Variants in MCM7 observed in about 807,000 individuals in gnomAD.
MCM7 encodes the protein DNA replication licensing factor MCM7.
In MCM7, 95 loss-of-function variants were observed where a neutral mutation model predicts 83.5. That is an observed-to-expected ratio of 1.14 (90% CI 0.96 to 1.35). The LOEUF is 1.35. Ranked by LOEUF, MCM7 falls within the 40% of genes most tolerant of loss-of-function variation. The pLI is 0.00. For missense variants in MCM7, 1,087 were observed against 957.4 expected (o/e 1.14, Z -1.79); for synonymous variants, 461 against 352.7 (o/e 1.31, Z -3.44).
In MCM7 at chr7:100,099,325, C is replaced by G. The variant is rs200119844; in HGVS notation, c.355G>C (p.Val119Leu). The change falls in exon 4 of 15, where the codon GTC becomes CTC. Residue 119 changes from valine (V) to leucine (L), a missense_variant. Physicochemically the swap from Val to Leu is conservative, Grantham distance 32 (BLOSUM62 1). Transcript: ENST00000303887. ...GGGTACTGGTTCTGGGGGCTTCGGA[C>G]CATCCCAGGGTCCCGACTCCGCTGC... Reference protein sequence around the residue: ...MEQRSRDPGMVRSPQNQYPAE... With the variant: ...MEQRSRDPGMLRSPQNQYPAE... The G allele has an allele frequency of 6.8e-6, 11 of 1,613,850 alleles. No individual in the cohort carries two copies. Among genetic ancestry groups the G allele is most frequent in the Non-Finnish European group, 9.3e-6 (11 of 1,180,000 alleles).
In MCM7 at chr7:100,092,937, CAA is replaced by C. The variant is rs766115952; in HGVS notation, c.2153_2154del (p.Phe718CysfsTer?). On this transcript the variant is annotated frameshift_variant, in exon 15 of 15. Transcript: ENST00000303887. LOFTEE classifies it high-confidence loss of function. ...QVNASRTRIT[F>X]V ...GGGTTGCAAGCAGGCTGGAATCAGA[CAA>C]AAGTGATCCGTGTCCGGGAAGCATT... 6.2e-7 allele frequency: 1 copy of C among 1,614,184 alleles called. No individual in the cohort carries two copies. The highest frequency in any genetic ancestry group is 8.5e-7 in the Non-Finnish European group (1 of 1,180,038).
intron 10 of MCM7, among the ~76,000 whole-genome samples, chr7:100,096,749 T>G (rs758437561): frequency 5.9e-5 from 9 of 151,670 alleles, no homozygotes; most frequent in Non-Finnish European, 1.2e-4. Context: ...CACTCCAGTC[T>G]GGGTGACTGA....
In MCM7 at chr7:100,101,336, G is replaced by A. The variant is rs754951809; in HGVS notation, c.-42C>T. On this transcript the variant is annotated 5_prime_UTR_variant, in exon 1 of 15. Coordinates refer to ENST00000303887, the MANE Select transcript of MCM7 (RefSeq NM_005916.5). ...GCGGCCGCGCTTGGCGGGCTCAGAG[G>A]TCTTGCTCCTGGGGAAGCTGAGAAT... The A allele has an allele frequency of 1.2e-5, 19 of 1,612,330 alleles. No individual in the cohort carries two copies. Among genetic ancestry groups the A allele is most frequent in the East Asian group, 6.7e-5 (3 of 44,878 alleles).
rs1318257570 is a variant in MCM7 at position 100,094,240 on chromosome 7, G to A, written c.1781C>T (p.Ala594Val). ...AGAAGTATAGGTGGCATCCTTACTAGCCCAAGCCTCTCGCCTCATCTCCAC... is the reference window on the plus strand; with the variant it reads ...AGAAGTATAGGTGGCATCCTTACTAACCCAAGCCTCTCGCCTCATCTCCAC... ...AYVEMRREAWASKDATYTSAR... is the reference protein window; with the variant it reads ...AYVEMRREAWVSKDATYTSAR... The change falls in exon 13 of 15, where the codon GCT becomes GTT. Residue 594 changes from alanine to valine, a missense_variant. Coordinates refer to ENST00000303887, the MANE Select transcript of MCM7 (RefSeq NM_005916.5). 6.2e-7 allele frequency: 1 copy of A among 1,614,228 alleles called. No individual in the cohort carries two copies. Among genetic ancestry groups the A allele is most frequent in the Non-Finnish European group, 8.5e-7 (1 of 1,180,042 alleles).
chr7:100,097,606 C>T lies in MCM7; in HGVS notation c.1117+8G>A, dbSNP rs760991725. 2 of 1,613,332 alleles carry T rather than the reference C, an allele frequency of 1.2e-6. No homozygotes were observed. The highest frequency in any genetic ancestry group is 1.7e-6 in the Non-Finnish European group (2 of 1,180,018). The stretch of plus-strand genomic sequence containing the variant: ...TCCACCCTGAGCCTCTCCCTTGTTT[C>T]TTCTTACCCCGGATTTTCATGCCTC... On this transcript the variant is annotated splice_region_variant and intron_variant, in intron 9 of 14. Coordinates refer to ENST00000303887, the MANE Select transcript of MCM7 (RefSeq NM_005916.5).
intron 14 of MCM7, 31 bp from the exon 15 acceptor site, chr7:100,093,164 G>C (rs1210592853): frequency 6.2e-7 from 1 of 1,610,202 alleles, no homozygotes; most frequent in African/African-American, 1.3e-5. Flanking sequence ...TGTAAGGTCA[G>C]GATACAAACA....
At chr7:100,095,275 G>A in intron 12 of MCM7, 112 bp downstream of exon 12, 1 of 891,552 alleles carries the variant, frequency 1.1e-6, no homozygotes, top group Non-Finnish European at 1.8e-6. Context: ...GGACATGTCT[G>A]TAGCGGGAAG....
rs918641959 is a variant in MCM7 at position 100,100,464 on chromosome 7, G to A, written c.32-371C>T. ...TCCCCTTAGCCCCTGATTTCACCGG[G>A]ACCTCCGCCACCGCACCCCGCCACC... is the stretch of plus-strand genomic sequence containing the variant. On this transcript the variant is annotated intron_variant, in intron 1 of 14. Coordinates refer to ENST00000303887, the MANE Select transcript of MCM7 (RefSeq NM_005916.5). 5.0e-6 allele frequency: 5 copies of A among 995,074 alleles called. No homozygotes were observed. The East Asian group carries it at 3.3e-4, about 66-fold the overall frequency. 61.6% of individuals were successfully genotyped at this position (995,074 alleles called of 1,614,324 possible). A position where few individuals can be genotyped will look rare whatever the true frequency, so the allele number is the denominator to read the frequency against.
chr7:100,098,823 C>T, intron 5 of MCM7, 108 bp from the exon 6 acceptor site: 4 of 1,467,620 alleles, frequency 2.7e-6, no homozygotes, highest in Non-Finnish European at 1.9e-6. Flanking sequence ...TTGTAAGTGT[C>T]AAGAACCCTC....
At chr7:100,099,246 A>C in intron 4 of MCM7, 33 bp downstream of exon 4, 1 of 1,614,080 alleles carries the variant, frequency 6.2e-7, no homozygotes, top group Non-Finnish European at 8.5e-7. Context: ...TGGAGAACCA[A>C]TCCCTACATC....
At chr7:100,099,899 C>T (rs947145080) in intron 2 of MCM7, 115 bp downstream of exon 2, 6 of 1,423,220 alleles carry the variant, frequency 4.2e-6, no homozygotes, top group Non-Finnish European at 5.9e-6. Flanking sequence ...GCGATACTCG[C>T]TTTTCAGCCC....
chr7:100,094,070 G>T, intron 13 of MCM7, 103 bp downstream of exon 13: 2 of 1,434,682 alleles, frequency 1.4e-6, no homozygotes, highest in Non-Finnish European at 2.0e-6. Context: ...TTTAGCCCCG[G>T]CAGGGCTGGA....
intron 13 of MCM7, chr7:100,093,611 A>G (rs1408991780): frequency 1.3e-6 from 1 of 765,956 alleles, no homozygotes; most frequent in Non-Finnish European, 2.4e-6. Context: ...AGCGTCCAGC[A>G]ATTGCCCAAG....
chr7:100,095,098 G>GA (rs1229031333), intron 12 of MCM7, among the ~76,000 whole-genome samples: 1 of 152,218 alleles, frequency 6.6e-6, no homozygotes, highest in African/African-American at 2.4e-5. Context: ...AGAATCGCTT[G>GA]AATCTGGGAG....
intron 14 of MCM7, 43 bp from the exon 15 acceptor site, chr7:100,093,176 G>A: frequency 3.7e-6 from 6 of 1,606,222 alleles, no homozygotes; most frequent in Non-Finnish European, 4.3e-6. Context: ...ATACAAACAG[G>A]AATGCTCGAC....
intron 5 of MCM7, 40 bp downstream of exon 5, chr7:100,098,983 T>C (rs772661910): frequency 1.1e-5 from 18 of 1,610,594 alleles, no homozygotes; most frequent in Non-Finnish European, 6.8e-6. Context: ...ACAAAACAAC[T>C]AATGGGTAAG....
chr7:100,096,288 G>T, intron 10 of MCM7, 121 bp from the exon 11 acceptor site: 1 of 980,012 alleles, frequency 1.0e-6, no homozygotes, highest in Non-Finnish European at 1.4e-6. Flanking sequence ...CCTCCACCAG[G>T]CCTTCTTGAG....
Position 100,098,181 on chromosome 7 carries a change from A to C in MCM7, c.830T>G (p.Phe277Cys), listed in dbSNP as rs1795747130. The C allele has an allele frequency of 6.2e-7, 1 of 1,614,168 alleles. No individual in the cohort carries two copies. Among genetic ancestry groups the C allele is most frequent in the Non-Finnish European group, 8.5e-7 (1 of 1,180,022 alleles). The change falls in exon 7 of 15, where the codon TTC (phenylalanine) becomes TGC (cysteine). Residue 277 changes from phenylalanine (F) to cysteine (C), a missense_variant. Phe to Cys is a radical substitution (Grantham distance 205, BLOSUM62 -2). Transcript: ENST00000303887. ...PGDHVSVTGIFLPILRTGFRQ... is the reference protein window; with the variant it reads ...PGDHVSVTGICLPILRTGFRQ... Reference sequence around the variant, plus strand: ...GAACCCAGTGCGCAGGATTGGCAAGAAAATACCAGTGACGCTGACGTGGTC... The same window carrying C: ...GAACCCAGTGCGCAGGATTGGCAAGCAAATACCAGTGACGCTGACGTGGTC...
chr7:100,100,958 C>T (rs968712170), intron 1 of MCM7: 90 of 1,044,836 alleles, frequency 8.6e-5, no homozygotes, highest in Non-Finnish European at 1.0e-4. Flanking sequence ...TAAGACTCTC[C>T]TGAGGTCCTG....
Sources: allele counts gnomAD v4.1 joint callset (sites outside exome capture counted in the v4.1 genomes callset), GRCh38; gene constraint gnomAD v4.1.1; transcripts MANE v1.5; gene names NCBI Gene and HGNC (gene_info 2026-07-23, HGNC 2026-07-21).